LARS2: variants seen among roughly 807,000 people sequenced by gnomAD.
The protein encoded by LARS2 is leucyl-tRNA synthetase 2, mitochondrial.
Under a neutral mutation model 116.6 loss-of-function variants are expected in LARS2, and 81 were observed. The ratio of observed to expected loss-of-function variants is 0.69; its 90% CI spans 0.58 to 0.84. The LOEUF is 0.84. LARS2 is among the 40% of genes least tolerant of loss of function. The pLI, the probability that LARS2 is intolerant of heterozygous loss-of-function variation, is 0.00. For missense variants in LARS2, 968 were observed against 1,114.5 expected (o/e 0.87, Z 1.87); for synonymous variants, 396 against 407.2 (o/e 0.97, Z 0.33).
At chr3:45,478,837 CAG>C (rs1234443547) in intron 10 of LARS2, among the ~76,000 whole-genome samples, 3 of 152,082 alleles carry the variant, frequency 2.0e-5, no homozygotes, top group Non-Finnish European at 4.4e-5. Flanking sequence ...CACAGAAGGC[CAG>C]TACAGTGCAT....
intron 7 of LARS2, among the ~76,000 whole-genome samples, chr3:45,457,457 T>A (rs1699232034): frequency 6.6e-6 from 1 of 152,204 alleles, no homozygotes; most frequent in African/African-American, 2.4e-5. Context: ...GGCGGGTGGA[T>A]CACCTGAGGT....
At chr3:45,528,601 A>C (rs564329878) in intron 20 of LARS2, among the ~76,000 whole-genome samples, 1 of 151,928 alleles carries the variant, frequency 6.6e-6, no homozygotes, top group East Asian at 1.9e-4. Context: ...ACCCACTCCA[A>C]CCCCCAGCAT....
In LARS2 at chr3:45,455,813, C is replaced by CA. The variant is rs1279904732; in HGVS notation, c.607-2924dup. On this transcript the variant is annotated intron_variant, in intron 7 of 21. Transcript: ENST00000645846. ...TACACAATGGAATAGTATTCAGCTT[C>CA]AAAAAACAATAAAATTCTGTCATTT... Among the ~76,000 whole-genome samples, 32 of 152,056 alleles carry CA rather than the reference C, an allele frequency of 2.1e-4. 1 individual carries two copies. Among genetic ancestry groups the CA allele is most frequent in the South Asian group, 1.9e-3 (9 of 4,810 alleles).
At chr3:45,453,858 T>TA (rs1157511960) in intron 7 of LARS2, among the ~76,000 whole-genome samples, 17 of 151,794 alleles carry the variant, frequency 1.1e-4, no homozygotes, top group African/African-American at 4.1e-4. Flanking sequence ...CTTTGATAGT[T>TA]TAAAAAAAAA....
Position 45,400,276 on chromosome 3 carries a change from T to C in LARS2, c.266T>C (p.Met89Thr). 2 of 1,613,618 alleles carry C rather than the reference T, an allele frequency of 1.2e-6. No homozygotes were observed. The highest frequency in any genetic ancestry group is 1.7e-6 in the Non-Finnish European group (2 of 1,179,804). The change falls in exon 4 of 22, where the codon ATG becomes ACG. Residue 89 changes from methionine (M) to threonine (T), a missense_variant. By Grantham distance (81) the Met-to-Thr change is moderately conservative. Transcript: ENST00000645846. Reference sequence around the variant, plus strand: ...AAGCCAAAATTTTACGTGCTTTCCATGTTCCCTTATCCTTCTGGTAAGCTG... The same window carrying C: ...AAGCCAAAATTTTACGTGCTTTCCACGTTCCCTTATCCTTCTGGTAAGCTG... ...KSKPKFYVLS[M>T]FPYPSGKLHM...
At chr3:45,522,895 A>C (rs1223619250) in intron 19 of LARS2, among the ~76,000 whole-genome samples, 1 of 152,094 alleles carries the variant, frequency 6.6e-6, no homozygotes, top group Non-Finnish European at 1.5e-5. Flanking sequence ...CTCTATTTAA[A>C]AAAAAAATTA....
At chr3:45,541,796 G>A (rs377468825) in intron 20 of LARS2, 33 bp from the exon 21 acceptor site, 16 of 1,612,298 alleles carry the variant, frequency 9.9e-6, no homozygotes, top group Admixed American at 1.7e-5. Context: ...TGTTCTTAGA[G>A]TGACCCCACG....
intron 10 of LARS2, among the ~76,000 whole-genome samples, chr3:45,482,406 C>T (rs1424688244): frequency 6.6e-6 from 1 of 152,076 alleles, no homozygotes; most frequent in Non-Finnish European, 1.5e-5. Context: ...AGGTTACAAA[C>T]ATTTTTCTAT....
At chr3:45,534,494 T>G (rs1288732119) in intron 20 of LARS2, among the ~76,000 whole-genome samples, 1 of 152,188 alleles carries the variant, frequency 6.6e-6, no homozygotes, top group African/African-American at 2.4e-5. Flanking sequence ...AACACTTACC[T>G]TTCATATACC....
chr3:45,466,625 C>T (rs1699430135), intron 8 of LARS2, among the ~76,000 whole-genome samples: 1 of 152,116 alleles, frequency 6.6e-6, no homozygotes. Context: ...AAATTGCTGA[C>T]CCAGCCCACA....
chr3:45,419,769 G>A, intron 6 of LARS2, 40 bp downstream of exon 6: 1 of 1,521,272 alleles, frequency 6.6e-7, no homozygotes, highest in South Asian at 1.1e-5. Context: ...TCATTTTAAG[G>A]AAGGACTTGA....
intron 10 of LARS2, among the ~76,000 whole-genome samples, chr3:45,479,973 A>G (rs1460498516): frequency 6.6e-6 from 1 of 152,238 alleles, no homozygotes; most frequent in Admixed American, 6.5e-5. Context: ...TTACAGGCAC[A>G]TTAGAGAGCA....
At chr3:45,410,080 A>G (rs1030632610) in intron 4 of LARS2, among the ~76,000 whole-genome samples, 1 of 152,256 alleles carries the variant, frequency 6.6e-6, no homozygotes, top group Non-Finnish European at 1.5e-5. Context: ...ACAGAATGTT[A>G]ATAGGCAGAA....
intron 10 of LARS2, among the ~76,000 whole-genome samples, chr3:45,481,505 C>T (rs1699701121): frequency 1.3e-5 from 2 of 152,172 alleles, no homozygotes; most frequent in African/African-American, 4.8e-5. Context: ...TCATTACCAA[C>T]ACTTCTTATT....
In LARS2 at chr3:45,400,382, A is replaced by G; in HGVS notation, c.363+9A>G. 1.3e-6 allele frequency: 2 copies of G among 1,594,198 alleles called. No individual in the cohort carries two copies. The highest frequency in any genetic ancestry group is 1.7e-6 in the Non-Finnish European group (2 of 1,170,230). ...AGATGAGAGGGATGCAGGTAAGAAC[A>G]GGTGCCTGCTGGAGCAGCCCTTGTC... On this transcript the variant is annotated intron_variant, in intron 4 of 21. Transcript: ENST00000645846.
At chr3:45,522,340 C>A (rs143095324) in intron 19 of LARS2, among the ~76,000 whole-genome samples, 6 of 152,142 alleles carry the variant, frequency 3.9e-5, no homozygotes, top group Non-Finnish European at 7.3e-5. Context: ...TGACTTATGT[C>A]ATATCAATAA....
At chr3:45,427,584 A>G (rs1698615529) in intron 6 of LARS2, among the ~76,000 whole-genome samples, 1 of 152,238 alleles carries the variant, frequency 6.6e-6, no homozygotes, top group Non-Finnish European at 1.5e-5. Context: ...CTTACTTTTA[A>G]TAACTTCCTT....
chr3:45,476,335 C>A (rs954250580), intron 9 of LARS2, 133 bp from the exon 10 acceptor site: 1 of 919,284 alleles, frequency 1.1e-6, no homozygotes, highest in Non-Finnish European at 1.7e-6. Flanking sequence ...AATCCCCACA[C>A]CCCTGGCCCA....
chr3:45,500,574 A>G lies in LARS2; in HGVS notation c.1755A>G (p.Lys585=). 1.3e-6 allele frequency: 2 copies of G among 1,569,054 alleles called. No individual in the cohort carries two copies. Among genetic ancestry groups the G allele is most frequent in the Non-Finnish European group, 1.7e-6 (2 of 1,164,720 alleles). The change falls in exon 15 of 22, where the codon AAA becomes AAG. Residue 585 remains lysine, a synonymous_variant. Transcript: ENST00000645846. ...SHFCHDQKMV[K]HREPFHKLLA... ...TTTGCCATGATCAAAAAATGGTTAA[A>G]CATAGGTAAGCACTTATACTGCTTT...
Sources: allele counts gnomAD v4.1 joint callset (sites outside exome capture counted in the v4.1 genomes callset), GRCh38; gene constraint gnomAD v4.1.1; transcripts MANE v1.5; gene names NCBI Gene and HGNC (gene_info 2026-07-23, HGNC 2026-07-21).